Variants in PDE8B observed in about 807,000 individuals in gnomAD.
The protein encoded by PDE8B is phosphodiesterase 8B.
In PDE8B, 26 loss-of-function variants were observed where a neutral mutation model predicts 101.3. The ratio of observed to expected loss-of-function variants is 0.26; its 90% confidence interval spans 0.19 to 0.36. PDE8B has a LOEUF of 0.36. Among genes scored for constraint, PDE8B ranks in the 10% least tolerant of loss-of-function variants. The pLI, the probability that PDE8B is intolerant of heterozygous loss-of-function variation, is 1.00. For synonymous variants in PDE8B, 424 were observed against 429.3 expected (o/e 0.99, Z 0.15); for missense variants, 810 against 1,163.1 (o/e 0.70, Z 4.42).
At chr5:77,362,958 G>A (rs1277281623) in intron 10 of PDE8B, among the ~76,000 whole-genome samples, 1 of 152,166 alleles carries the variant, frequency 6.6e-6, no homozygotes, top group African/African-American at 2.4e-5. Flanking sequence ...ACCCTCCAGG[G>A]CAGCATCATG....
chr5:77,323,656 T>C (rs1775495011), intron 2 of PDE8B, among the ~76,000 whole-genome samples: 1 of 152,140 alleles, frequency 6.6e-6, no homozygotes, highest in South Asian at 2.1e-4. Context: ...CTTCCAATTT[T>C]CAATTAATAA....
At chr5:77,399,542 A>T (rs1335292263) in intron 10 of PDE8B, among the ~76,000 whole-genome samples, 1 of 152,218 alleles carries the variant, frequency 6.6e-6, no homozygotes, top group Non-Finnish European at 1.5e-5. Flanking sequence ...GTTTAATAGA[A>T]CTAAATGTGC....
chr5:77,239,804 T>G (rs1479085441), intron 1 of PDE8B, among the ~76,000 whole-genome samples: 2 of 152,152 alleles, frequency 1.3e-5, no homozygotes, highest in African/African-American at 4.8e-5. Flanking sequence ...CTTTCATTCT[T>G]GTAATAACCC....
chr5:77,370,604 A>T (rs750081756), intron 10 of PDE8B, among the ~76,000 whole-genome samples: 6 of 152,238 alleles, frequency 3.9e-5, no homozygotes, highest in Non-Finnish European at 5.9e-5. Context: ...TATTATGAAT[A>T]AAGCTGCTGT....
At chr5:77,349,909 A>T (rs766342438) in intron 8 of PDE8B, among the ~76,000 whole-genome samples, 1 of 152,182 alleles carries the variant, frequency 6.6e-6, no homozygotes, top group Admixed American at 6.5e-5. Context: ...GAGACTAGAC[A>T]TATTTAATAC....
At chr5:77,309,040 G>A (rs1771910041) in intron 1 of PDE8B, among the ~76,000 whole-genome samples, 1 of 151,968 alleles carries the variant, frequency 6.6e-6, no homozygotes, top group African/African-American at 2.4e-5. Context: ...TTAGCTGTAA[G>A]TGGTGGTGGG....
chr5:77,190,342 G>T, the PDE8B span, among the ~76,000 whole-genome samples: 2 of 152,178 alleles, frequency 1.3e-5, no homozygotes, highest in East Asian at 3.9e-4. Context: ...ACCAAACTTG[G>T]AGTGCCACTA....
chr5:77,426,204 C>CA, intron 21 of PDE8B: 1 of 596,562 alleles, frequency 1.7e-6, no homozygotes. Flanking sequence ...AGAAAGAATG[C>CA]AAAATGTATT....
intron 10 of PDE8B, among the ~76,000 whole-genome samples, chr5:77,375,153 C>T (rs1785826872): frequency 6.6e-6 from 1 of 152,204 alleles, no homozygotes; most frequent in African/African-American, 2.4e-5. Context: ...TAACGAAGCT[C>T]TCAGCTGTGT....
intron 6 of PDE8B, among the ~76,000 whole-genome samples, chr5:77,337,586 A>G (rs1454005251): frequency 6.6e-6 from 1 of 152,198 alleles, no homozygotes; most frequent in Non-Finnish European, 1.5e-5. Context: ...TAATTTTTGC[A>G]CAATTAGATC....
rs774104954 is a variant in PDE8B, at chr5:77,331,364, G to A, written c.651-38G>A. Reference sequence around the variant, plus strand: ...GTTTCAGTGTGAGGAATCCTGGTTTGTATCTGCTGAGTGACCACATTTTCT... The same window carrying A: ...GTTTCAGTGTGAGGAATCCTGGTTTATATCTGCTGAGTGACCACATTTTCT... On this transcript the variant is annotated intron_variant, in intron 4 of 21. Coordinates refer to ENST00000264917, the MANE Select transcript of PDE8B (RefSeq NM_003719.5). The A allele has an allele frequency of 5.1e-6, 8 of 1,580,622 alleles. No individual in the cohort carries two copies. In the South Asian group the frequency reaches 5.5e-5, roughly 11 times the overall value.
At chr5:77,137,959 G>C in the PDE8B span, among the ~76,000 whole-genome samples, 44 of 152,152 alleles carry the variant, frequency 2.9e-4, no homozygotes, top group South Asian at 6.3e-4. Context: ...AAATAAGCAT[G>C]GTTGCCAAGG....
rs1183744998 is a variant in PDE8B at position 77,426,802 on chromosome 5, T to C, written c.*248T>C. 1 of 446,176 alleles carries C rather than the reference T, an allele frequency of 2.2e-6. No individual in the cohort carries two copies. Among genetic ancestry groups the C allele is most frequent in the African/African-American group, 2.0e-5 (1 of 49,858 alleles). 27.6% of individuals were successfully genotyped at this position (446,176 alleles called of 1,614,324 possible). A position where few individuals can be genotyped will look rare whatever the true frequency, so the allele number is the denominator to read the frequency against. On this transcript the variant is annotated 3_prime_UTR_variant, in exon 22 of 22. Transcript: ENST00000264917. Reference sequence around the variant, plus strand: ...TACTTGGCAAACTCCTTTGCTCTGCTGTCATCCTGTGTACCCTTGTCAATC... The same window carrying C: ...TACTTGGCAAACTCCTTTGCTCTGCCGTCATCCTGTGTACCCTTGTCAATC...
At chr5:77,412,031 G>A in intron 15 of PDE8B, 69 bp from the exon 16 acceptor site, 1 of 1,523,676 alleles carries the variant, frequency 6.6e-7, no homozygotes, top group Non-Finnish European at 9.1e-7. Context: ...CTATGAAGAT[G>A]ATGACAGACA....
chr5:77,350,936 A>C (rs979303728), intron 8 of PDE8B, 129 bp from the exon 9 acceptor site: 1 of 748,482 alleles, frequency 1.3e-6, no homozygotes, highest in African/African-American at 1.7e-5. Flanking sequence ...TGGGTACAAC[A>C]ATACAGCAGG....
intron 1 of PDE8B, among the ~76,000 whole-genome samples, chr5:77,306,603 A>G (rs1771265990): frequency 6.6e-6 from 1 of 152,202 alleles, no homozygotes; most frequent in South Asian, 2.1e-4. Flanking sequence ...TTTCCAGGTC[A>G]ACTGCTTTCC....
Position 77,227,760 on chromosome 5 carries a change from G to C in PDE8B, c.339+16496G>C, listed in dbSNP as rs79879057. On this transcript the variant is annotated intron_variant, in intron 1 of 21. Transcript: ENST00000264917. ...TATGCAGAAACTTTGGGGCAGACTG[G>C]TTCAGTTCAACAAACATATACTGAG... Among the ~76,000 whole-genome samples the C allele has an allele frequency of 2.2e-3, 328 of 152,258 alleles. 2 individuals carry two copies. The highest frequency in any genetic ancestry group is 3.7e-3 in the Non-Finnish European group (253 of 68,022).
intron 1 of PDE8B, among the ~76,000 whole-genome samples, chr5:77,257,459 G>A (rs150745784): frequency 6.6e-6 from 1 of 152,186 alleles, no homozygotes; most frequent in African/African-American, 2.4e-5. Flanking sequence ...TTAGAACTAA[G>A]AATATTACCA....
intron 2 of PDE8B, among the ~76,000 whole-genome samples, chr5:77,313,265 G>T (rs1378206881): frequency 6.6e-6 from 1 of 151,508 alleles, no homozygotes; most frequent in Non-Finnish European, 1.5e-5. Context: ...TTTTATAGTT[G>T]CTTGGAAAAA....
Sources: gnomAD v4.1 joint callset for allele counts (sites outside exome capture counted in the v4.1 genomes callset) on GRCh38, gnomAD v4.1.1 for gene constraint, MANE v1.5 for transcripts, NCBI Gene and HGNC (gene_info 2026-07-23, HGNC 2026-07-21) for gene names.